CYB5B: variants seen among roughly 807,000 people sequenced by gnomAD.
CYB5B encodes cytochrome b5 type B (outer mitochondrial membrane).
Under a neutral mutation model 21.3 loss-of-function variants are expected in CYB5B, and 14 were observed. The observed-to-expected ratio is 0.66, with a 90% CI of 0.43 to 1.03. The LOEUF (loss-of-function observed/expected upper bound fraction) is 1.03. Among genes scored for constraint, CYB5B ranks in the 50% least tolerant of loss-of-function variants. The probability of loss-of-function intolerance (pLI) is 0.00; values close to 1 mark genes in which losing one functional copy is unlikely to be tolerated. For missense variants in CYB5B, 166 were observed against 185.1 expected (o/e 0.90, Z 0.60); for synonymous variants, 69 against 68.4 (o/e 1.01, Z -0.04).
At chr16:69,432,983 A>T (rs2014721781) in intron 1 of CYB5B, among the ~76,000 whole-genome samples, 1 of 152,116 alleles carries the variant, frequency 6.6e-6, no homozygotes, top group African/African-American at 2.4e-5. Flanking sequence ...GTTTTAATAG[A>T]GACGGGGTTT....
At chr16:69,448,233 T>C (rs747425011) in intron 3 of CYB5B, 89 bp downstream of exon 3, 25 of 1,440,928 alleles carry the variant, frequency 1.7e-5, no homozygotes, top group Admixed American at 5.7e-5. Flanking sequence ...ACAAGAGAAG[T>C]TACAAAGTAT....
In CYB5B at chr16:69,448,102, C is replaced by T. The variant is rs369398339; in HGVS notation, c.304-13C>T. On this transcript the variant is annotated splice_polypyrimidine_tract_variant and intron_variant, in intron 2 of 4. Coordinates refer to ENST00000307892, the MANE Select transcript of CYB5B (RefSeq NM_030579.3). The stretch of plus-strand genomic sequence containing the variant: ...ATGTCTTAAAATATTATTTGTTTTC[C>T]TTTTTTTGACAGAGTGACCTTAAAC... 30 of 1,608,178 alleles carry T rather than the reference C, an allele frequency of 1.9e-5. No homozygotes were observed. The highest frequency in any genetic ancestry group is 2.5e-5 in the Non-Finnish European group (30 of 1,178,602).
chr16:69,449,520 G>GT, intron 3 of CYB5B: 1 of 152,280 alleles, frequency 6.6e-6, no homozygotes, highest in South Asian at 2.1e-4. Context: ...GAAAAAATAT[G>GT]TTTGCAATTA....
intron 3 of CYB5B, among the ~76,000 whole-genome samples, chr16:69,451,887 G>A (rs1490788413): frequency 6.7e-6 from 1 of 148,668 alleles, no homozygotes. Context: ...AGCTTGCAGT[G>A]AGCAGAGATC....
chr16:69,426,588 C>T (rs537049851), intron 1 of CYB5B, among the ~76,000 whole-genome samples: 1 of 151,208 alleles, frequency 6.6e-6, no homozygotes, highest in African/African-American at 2.4e-5. Flanking sequence ...GCCTGTAATC[C>T]CAGCTACTCA....
At chr16:69,432,846 G>T (rs1300177169) in intron 1 of CYB5B, among the ~76,000 whole-genome samples, 3 of 152,164 alleles carry the variant, frequency 2.0e-5, no homozygotes, top group Middle Eastern at 3.4e-3. Context: ...ACCCAGGCTG[G>T]AGTGCAATGG....
chr16:69,429,963 G>A (rs2014688665), intron 1 of CYB5B, among the ~76,000 whole-genome samples: 1 of 152,124 alleles, frequency 6.6e-6, no homozygotes, highest in Admixed American at 6.6e-5. Context: ...GAATGTGGTA[G>A]TTTAGAATTA....
At position 69,463,445 on chromosome 16, in the gene CYB5B, C is replaced by T. The variant is rs1452758987; in HGVS notation, c.*925C>T. 2 of 152,094 alleles carry T rather than the reference C, an allele frequency of 1.3e-5. No homozygotes were observed. Among genetic ancestry groups the T allele is most frequent in the Admixed American group, 6.5e-5 (1 of 15,276 alleles). 9.4% of individuals were successfully genotyped at this position (152,094 alleles called of 1,614,324 possible). A position where few individuals can be genotyped will look rare whatever the true frequency, so the allele number is the denominator to read the frequency against. Reference sequence around the variant, plus strand: ...AAACAGGATAGGAGTTTAGAGAAGGCACCAAAGCTTTCACTTTGGTTTGGC... The same window carrying T: ...AAACAGGATAGGAGTTTAGAGAAGGTACCAAAGCTTTCACTTTGGTTTGGC... On this transcript the variant is annotated 3_prime_UTR_variant, in exon 5 of 5. Transcript: ENST00000307892.
chr16:69,444,960 T>G (rs2014863457), intron 1 of CYB5B, among the ~76,000 whole-genome samples: 1 of 152,246 alleles, frequency 6.6e-6, no homozygotes, highest in Non-Finnish European at 1.5e-5. Flanking sequence ...AGTGTTGTGC[T>G]TTCTCTTGTT....
rs1479669902 is a variant in CYB5B, at chr16:69,445,689, C to A, written c.175-1461C>A. On this transcript the variant is annotated intron_variant, in intron 1 of 4. Transcript: ENST00000307892. ...TGGTAAAACAGTTTCAGAGGCTGGG[C>A]ATGGTGGCTCATACCTTTAATCCCA... Among the ~76,000 whole-genome samples, 3 of 152,160 alleles carry A rather than the reference C, an allele frequency of 2.0e-5. No homozygotes were observed. In the East Asian group the frequency reaches 5.8e-4, roughly 29 times the overall value.
At chr16:69,445,096 A>C (rs948228333) in intron 1 of CYB5B, among the ~76,000 whole-genome samples, 1 of 152,250 alleles carries the variant, frequency 6.6e-6, no homozygotes, top group African/African-American at 2.4e-5. Flanking sequence ...TTTTACTCTG[A>C]AAGGCAACAC....
At chr16:69,455,941 G>T (rs2014980299) in intron 3 of CYB5B, among the ~76,000 whole-genome samples, 4 of 152,114 alleles carry the variant, frequency 2.6e-5, no homozygotes, top group Admixed American at 1.3e-4. Flanking sequence ...ATTGTGTTGA[G>T]ATAATTGAAT....
intron 1 of CYB5B, among the ~76,000 whole-genome samples, chr16:69,433,272 A>G (rs1262628566): frequency 1.3e-5 from 2 of 152,158 alleles, no homozygotes; most frequent in African/African-American, 4.8e-5. Flanking sequence ...AACCTAGGTA[A>G]TTTTTTTCAT....
At chr16:69,440,120 C>T (rs1268190210) in intron 1 of CYB5B, among the ~76,000 whole-genome samples, 3 of 152,172 alleles carry the variant, frequency 2.0e-5, no homozygotes, top group Non-Finnish European at 4.4e-5. Flanking sequence ...AGTGATCCTC[C>T]TGCCTCAGCT....
At chr16:69,448,252 T>TC in intron 3 of CYB5B, 108 bp downstream of exon 3, 1 of 1,317,480 alleles carries the variant, frequency 7.6e-7, no homozygotes, top group Non-Finnish European at 1.1e-6. Flanking sequence ...ATTTACTTTT[T>TC]CCCCAAGCAA....
At chr16:69,436,373 G>C (rs138676138) in intron 1 of CYB5B, among the ~76,000 whole-genome samples, 82 of 152,304 alleles carry the variant, frequency 5.4e-4, no homozygotes, top group Middle Eastern at 3.4e-3. Context: ...GGGGGATAAG[G>C]ATGTCAAGTT....
intron 1 of CYB5B, among the ~76,000 whole-genome samples, chr16:69,437,099 C>G (rs2014768669): frequency 6.6e-6 from 1 of 152,156 alleles, no homozygotes; most frequent in Admixed American, 6.5e-5. Context: ...TACACAATTT[C>G]CTTTGTAGCT....
intron 3 of CYB5B, 43 bp downstream of exon 3, chr16:69,448,187 C>T: frequency 2.5e-6 from 4 of 1,606,404 alleles, no homozygotes; most frequent in Non-Finnish European, 3.4e-6. Context: ...TTTGTGTTTA[C>T]TCAAGTAGGA....
intron 4 of CYB5B, among the ~76,000 whole-genome samples, chr16:69,461,045 G>A (rs1024185838): frequency 6.6e-5 from 10 of 152,118 alleles, no homozygotes; most frequent in African/African-American, 1.4e-4. Flanking sequence ...CGGCGTGGTG[G>A]CTCATGCCTG....
Sources: allele counts gnomAD v4.1 joint callset (sites outside exome capture counted in the v4.1 genomes callset), GRCh38; gene constraint gnomAD v4.1.1; transcripts MANE v1.5; gene names NCBI Gene and HGNC (gene_info 2026-07-23, HGNC 2026-07-21).